Variants in PTPRK observed in about 807,000 individuals in gnomAD.
PTPRK encodes the protein receptor-type tyrosine-protein phosphatase kappa.
Under a neutral mutation model 178.0 loss-of-function variants are expected in PTPRK, and 75 were observed. The observed-to-expected ratio is 0.42, with a 90% CI of 0.35 to 0.51. The LOEUF (loss-of-function observed/expected upper bound fraction) is 0.51. Among genes scored for constraint, PTPRK ranks in the 20% least tolerant of loss-of-function variants. The probability of loss-of-function intolerance (pLI) is 0.02; values close to 1 mark genes in which losing one functional copy is unlikely to be tolerated. For synonymous variants in PTPRK, 637 were observed against 620.6 expected, an observed-to-expected ratio of 1.03 and a Z score of -0.39; for missense variants, 1,441 against 1,797.8, an observed-to-expected ratio of 0.80 and a Z score of 3.59.
intron 3 of PTPRK, among the ~76,000 whole-genome samples, chr6:128,296,149 T>C (rs1824318733): frequency 6.6e-6 from 1 of 152,058 alleles, no homozygotes; most frequent in Non-Finnish European, 1.5e-5. Context: ...TCCTCTCCCC[T>C]TCTTGCTCAC....
At chr6:128,448,999 A>G (rs1332668510) in intron 1 of PTPRK, among the ~76,000 whole-genome samples, 2 of 151,880 alleles carry the variant, frequency 1.3e-5, no homozygotes, top group Admixed American at 6.6e-5. Context: ...AGCTGGGACT[A>G]CAGGCACCCA....
At chr6:128,238,185 C>CA (rs58051125) in intron 5 of PTPRK, 11,937 of 204,112 alleles carry the variant, frequency 0.058, 32 homozygotes, top group South Asian at 0.071. Context: ...TAGCAAACGC[C>CA]AAAAAAAAAA....
At position 128,369,029 on chromosome 6, in the gene PTPRK, T is replaced by C. The variant is rs571462292; in HGVS notation, c.223+28537A>G. ...AACTACATAGTTGACTTAATTCACG[T>C]TCTTTTAAAGAGCCTTGGCTTTGCA... On this transcript the variant is annotated intron_variant, in intron 2 of 29. Transcript: ENST00000368226. Among the ~76,000 whole-genome samples the C allele has an allele frequency of 7.3e-5, 11 of 149,802 alleles. No homozygotes were observed. In the South Asian group the frequency reaches 2.3e-3, roughly 32 times the overall value.
intron 13 of PTPRK, among the ~76,000 whole-genome samples, chr6:128,047,463 T>C (rs1183342900): frequency 6.6e-6 from 1 of 152,168 alleles, no homozygotes; most frequent in African/African-American, 2.4e-5. Flanking sequence ...ATGTATACCT[T>C]AGCTTTTGGA....
intron 1 of PTPRK, among the ~76,000 whole-genome samples, chr6:128,434,962 T>TGCAGGCAG (rs373811894): frequency 9.3e-5 from 14 of 149,970 alleles, no homozygotes; most frequent in Non-Finnish European, 1.8e-4. Context: ...AGGTCAAGGT[T>TGCAGGCAG]GCAGGCAGGC....
intron 1 of PTPRK, among the ~76,000 whole-genome samples, chr6:128,419,708 A>C (rs17459173): frequency 0.039 from 5,955 of 152,332 alleles, 155 homozygotes; most frequent in Middle Eastern, 0.095. Flanking sequence ...AATTTCCAAT[A>C]ATCTTGCTGT....
chr6:127,983,070 T>A, intron 23 of PTPRK, 90 bp from the exon 24 acceptor site: 1 of 1,389,172 alleles, frequency 7.2e-7, no homozygotes. Flanking sequence ...ATTTTCTCTA[T>A]ATGGAAATAT....
At chr6:128,459,108 G>A (rs777062518) in intron 1 of PTPRK, among the ~76,000 whole-genome samples, 2 of 152,044 alleles carry the variant, frequency 1.3e-5, no homozygotes, top group African/African-American at 2.4e-5. Context: ...AAATGTGTTG[G>A]GAATCTTTGG....
chr6:128,096,019 G>A (rs1787853219), intron 7 of PTPRK, among the ~76,000 whole-genome samples: 1 of 151,994 alleles, frequency 6.6e-6, no homozygotes, highest in Admixed American at 6.6e-5. Flanking sequence ...CTTTTATTGT[G>A]CACCTAATTC....
rs916051028 is a variant in PTPRK at position 127,977,204 on chromosome 6, T to A, written c.3712-150A>T. Reference sequence around the variant, plus strand: ...CCAGAGTGATGATTAAACCATGGAATAGGAGATTCAGACCACTGGAATGAA... The same window carrying A: ...CCAGAGTGATGATTAAACCATGGAAAAGGAGATTCAGACCACTGGAATGAA... On this transcript the variant is annotated intron_variant, in intron 25 of 29. Coordinates refer to ENST00000368226, the MANE Select transcript of PTPRK (RefSeq NM_002844.4). The A allele has an allele frequency of 1.1e-5, 8 of 753,174 alleles. No homozygotes were observed. In the East Asian group the frequency reaches 2.1e-4, roughly 20 times the overall value. The allele number at this position is 753,174 out of a possible 1,614,324, so 46.7% of individuals were successfully genotyped here. A position where few individuals can be genotyped will look rare whatever the true frequency, so the allele number is the denominator to read the frequency against.
Position 128,053,175 on chromosome 6 carries a change from CACACACA to C in PTPRK, c.2194+11576_2194+11582del, listed in dbSNP as rs1779327035. Among the ~76,000 whole-genome samples, 6 of 151,436 alleles carry C rather than the reference CACACACA, an allele frequency of 4.0e-5. 1 individual carries two copies. Among genetic ancestry groups the C allele is most frequent in the African/African-American group, 1.5e-4 (6 of 40,978 alleles). ...ACACACACACACACACACACACACACACACACACCCCTATACACACAGTTTCACCTGT... is the reference window on the plus strand; with the variant it reads ...ACACACACACACACACACACACACACCCCCTATACACACAGTTTCACCTGT... On this transcript the variant is annotated intron_variant, in intron 13 of 29. Transcript: ENST00000368226.
intron 3 of PTPRK, among the ~76,000 whole-genome samples, chr6:128,295,940 A>G (rs1216531733): frequency 6.6e-6 from 1 of 152,170 alleles, no homozygotes; most frequent in Non-Finnish European, 1.5e-5. Flanking sequence ...TTAGACTTAC[A>G]TCCTTACAGA....
chr6:128,123,441 T>C (rs1318870030), intron 7 of PTPRK, among the ~76,000 whole-genome samples: 2 of 152,204 alleles, frequency 1.3e-5, no homozygotes, highest in African/African-American at 4.8e-5. Flanking sequence ...CAGGCCTGCA[T>C]GTACACAGGC....
intron 15 of PTPRK, chr6:128,001,086 G>C: frequency 1.3e-6 from 1 of 781,372 alleles, no homozygotes; most frequent in Non-Finnish European, 2.0e-6. Flanking sequence ...AATGTGACTA[G>C]TAGTGAGGGT....
intron 3 of PTPRK, among the ~76,000 whole-genome samples, chr6:128,318,524 C>T (rs1339194): frequency 0.97 from 147,793 of 152,272 alleles, 71,868 homozygotes; most frequent in South Asian, 1. Flanking sequence ...TTCTGCTATA[C>T]TATCACATTC....
intron 6 of PTPRK, among the ~76,000 whole-genome samples, chr6:128,197,184 CTTTTTTT>C (rs5879879): frequency 2.2e-5 from 3 of 138,650 alleles, no homozygotes; most frequent in Admixed American, 7.3e-5. Flanking sequence ...TTGTTTTTTT[CTTTTTTT>C]TTTTTTTGGC....
At chr6:128,041,472 T>C (rs1048944594) in intron 13 of PTPRK, among the ~76,000 whole-genome samples, 2 of 152,074 alleles carry the variant, frequency 1.3e-5, no homozygotes, top group African/African-American at 4.8e-5. Context: ...ACTCTGCAAA[T>C]GTGCTTCAAT....
chr6:128,359,120 G>A (rs1173668844), intron 2 of PTPRK, among the ~76,000 whole-genome samples: 1 of 152,204 alleles, frequency 6.6e-6, no homozygotes, highest in Non-Finnish European at 1.5e-5. Flanking sequence ...GGATCTCACT[G>A]GAGGGCAACC....
In PTPRK at chr6:127,983,214, A is replaced by C. The variant is rs533871083; in HGVS notation, c.3387+28T>G. ...TTGCAAAAAAAATAAAAAATAAAAA[A>C]AAGTCCACTACAGGTAAATCTACAT... On this transcript the variant is annotated intron_variant, in intron 23 of 29. Coordinates refer to ENST00000368226, the MANE Select transcript of PTPRK (RefSeq NM_002844.4). The C allele has an allele frequency of 1.7e-5, 25 of 1,450,898 alleles. No homozygotes were observed. In the South Asian group the frequency reaches 2.6e-4, roughly 15 times the overall value. The allele number at this position is 1,450,898 out of a possible 1,614,324, so 89.9% of individuals were successfully genotyped here. A position where few individuals can be genotyped will look rare whatever the true frequency, so the allele number is the denominator to read the frequency against.
Sources: allele counts gnomAD v4.1 joint callset (sites outside exome capture counted in the v4.1 genomes callset), GRCh38; gene constraint gnomAD v4.1.1; transcripts MANE v1.5; gene names NCBI Gene and HGNC (gene_info 2026-07-23, HGNC 2026-07-21).